The following NME7 variants were observed in gnomAD, a reference collection of about 807,000 sequenced individuals.
NME7 encodes the protein nucleoside diphosphate kinase 7.
NME7 carries 41 observed loss-of-function variants against 49.1 expected under a neutral mutation model. The observed-to-expected ratio is 0.83, with a 90% confidence interval of 0.65 to 1.08. The LOEUF (loss-of-function observed/expected upper bound fraction) is 1.08, where lower values mean the gene tolerates loss of function less well. Among genes scored for constraint, NME7 ranks in the 50% least tolerant of loss-of-function variants. NME7 has a pLI of 0.00. For synonymous variants in NME7, 139 were observed against 150.6 expected (o/e 0.92, Z 0.56); for missense variants, 423 against 463.4 (o/e 0.91, Z 0.80).
At chr1:169,199,665 C>T (rs1466297246) in intron 10 of NME7, among the ~76,000 whole-genome samples, 3 of 151,646 alleles carry the variant, frequency 2.0e-5, no homozygotes, top group Non-Finnish European at 4.4e-5. Flanking sequence ...TTCCTATTGT[C>T]TACAAAAATA....
intron 10 of NME7, among the ~76,000 whole-genome samples, chr1:169,194,105 G>A (rs1660308132): frequency 6.6e-6 from 1 of 151,888 alleles, no homozygotes; most frequent in Admixed American, 6.6e-5. Flanking sequence ...TAAGGAATGG[G>A]GAAACAAAAA....
chr1:169,363,521 GA>G (rs1270671728), intron 1 of NME7, among the ~76,000 whole-genome samples: 1 of 152,158 alleles, frequency 6.6e-6, no homozygotes, highest in East Asian at 1.9e-4. Context: ...TACAGTTTGA[GA>G]AACACTGCTG....
intron 1 of NME7, among the ~76,000 whole-genome samples, chr1:169,338,967 G>A (rs763453267): frequency 4.6e-5 from 7 of 152,196 alleles, no homozygotes; most frequent in Admixed American, 2.0e-4. Context: ...AATACAAATT[G>A]TCTCTCTAAT....
At chr1:169,219,136 T>C (rs1041415480) in intron 10 of NME7, among the ~76,000 whole-genome samples, 4 of 152,186 alleles carry the variant, frequency 2.6e-5, no homozygotes, top group African/African-American at 9.7e-5. Context: ...CTTTTCTGAA[T>C]AGCCTATTCC....
chr1:169,136,869 G>A (rs1374483712), intron 11 of NME7, among the ~76,000 whole-genome samples: 1 of 152,172 alleles, frequency 6.6e-6, no homozygotes, highest in Non-Finnish European at 1.5e-5. Flanking sequence ...CACTTTAGAG[G>A]TGGAATGCAG....
chr1:169,235,028 A>C, intron 9 of NME7, 103 bp downstream of exon 9: 1 of 519,276 alleles, frequency 1.9e-6, no homozygotes, highest in Non-Finnish European at 3.3e-6. Context: ...ATTGATTTTC[A>C]GTCTGGCCAT....
intron 1 of NME7, among the ~76,000 whole-genome samples, chr1:169,330,882 G>T (rs570551379): frequency 1.3e-5 from 2 of 151,994 alleles, no homozygotes; most frequent in East Asian, 3.9e-4. Flanking sequence ...TGAGATCAAA[G>T]CCATAATAAA....
At chr1:169,277,200 G>A (rs1212801919) in intron 7 of NME7, among the ~76,000 whole-genome samples, 2 of 148,952 alleles carry the variant, frequency 1.3e-5, no homozygotes, top group African/African-American at 4.9e-5. Context: ...ATGTCTATTA[G>A]GTCCGCTTGG....
At chr1:169,138,601 C>T (rs1175503757) in intron 11 of NME7, among the ~76,000 whole-genome samples, 2 of 152,062 alleles carry the variant, frequency 1.3e-5, no homozygotes, top group African/African-American at 4.8e-5. Context: ...CACCTGTAGT[C>T]CCAGCCGCTT....
At chr1:169,194,211 T>C (rs1301429815) in intron 10 of NME7, among the ~76,000 whole-genome samples, 4 of 152,066 alleles carry the variant, frequency 2.6e-5, no homozygotes, top group African/African-American at 9.7e-5. Flanking sequence ...TCAATCCCTA[T>C]GGGGGCTAAG....
At chr1:169,219,227 T>TA (rs1661068348) in intron 10 of NME7, among the ~76,000 whole-genome samples, 1 of 152,158 alleles carries the variant, frequency 6.6e-6, no homozygotes, top group Non-Finnish European at 1.5e-5. Context: ...ATCCATGAGT[T>TA]AATGCATCTG....
intron 10 of NME7, among the ~76,000 whole-genome samples, chr1:169,192,363 C>G (rs1016375339): frequency 6.6e-6 from 1 of 152,088 alleles, no homozygotes; most frequent in African/African-American, 2.4e-5. Flanking sequence ...TGCACCTATA[C>G]AGAACATATA....
In NME7 at chr1:169,273,585, A is replaced by G. The variant is rs1297840807; in HGVS notation, c.754+13718T>C. Among the ~76,000 whole-genome samples the G allele has an allele frequency of 2.3e-5, 3 of 130,194 alleles. 1 individual carries two copies. Among genetic ancestry groups the G allele is most frequent in the Non-Finnish European group, 5.4e-5 (3 of 55,706 alleles). 85.4% of individuals were successfully genotyped at this position (130,194 alleles called of 152,430 possible). ...ATTGACTCGTCATTTAGCATTAGGT[A>G]TATCTCCTAATGCTATCCCTCCCCA... On this transcript the variant is annotated intron_variant, in intron 7 of 11. Transcript: ENST00000367811.
intron 10 of NME7, among the ~76,000 whole-genome samples, chr1:169,173,645 C>T (rs148004916): frequency 6.6e-6 from 1 of 151,994 alleles, no homozygotes; most frequent in East Asian, 1.9e-4. Context: ...CTAAAAAATA[C>T]AAAAATATTA....
At chr1:169,227,076 C>T (rs140512844) in intron 10 of NME7, among the ~76,000 whole-genome samples, 1 of 152,234 alleles carries the variant, frequency 6.6e-6, no homozygotes, top group Non-Finnish European at 1.5e-5. Flanking sequence ...GTGAGCCTTG[C>T]ACATACTATT....
At chr1:169,282,232 G>C (rs1650049977) in intron 7 of NME7, among the ~76,000 whole-genome samples, 4 of 152,130 alleles carry the variant, frequency 2.6e-5, no homozygotes, top group Non-Finnish European at 5.9e-5. Flanking sequence ...TAGTTTATTT[G>C]CGTAGAGGTG....
chr1:169,301,612 T>C (rs1650941939), intron 5 of NME7, among the ~76,000 whole-genome samples: 1 of 152,182 alleles, frequency 6.6e-6, no homozygotes, highest in South Asian at 2.1e-4. Context: ...AAAAGACACA[T>C]GCCCTCATAC....
rs188363783 is a variant in NME7, at chr1:169,194,039, T to C, written c.991-24485A>G. ...ATGAGAATCATTCAGATAAACATACTGAAAAATAGCGAGGCAAAAAAGACT... is the reference window on the plus strand; with the variant it reads ...ATGAGAATCATTCAGATAAACATACCGAAAAATAGCGAGGCAAAAAAGACT... On this transcript the variant is annotated intron_variant, in intron 10 of 11. Transcript: ENST00000367811. Among the ~76,000 whole-genome samples the C allele has an allele frequency of 5.7e-4, 86 of 151,482 alleles. 1 individual carries two copies. The highest frequency in any genetic ancestry group is 1.1e-3 in the Non-Finnish European group (73 of 67,826).
intron 11 of NME7, among the ~76,000 whole-genome samples, chr1:169,166,668 A>C (rs4656655): frequency 6.6e-6 from 1 of 151,992 alleles, no homozygotes; most frequent in Non-Finnish European, 1.5e-5. Context: ...ACCTCGGTAA[A>C]AAGTCATTTA....
Sources: gnomAD v4.1 joint callset for allele counts (sites outside exome capture counted in the v4.1 genomes callset) on GRCh38, gnomAD v4.1.1 for gene constraint, MANE v1.5 for transcripts, NCBI Gene and HGNC (gene_info 2026-07-23, HGNC 2026-07-21) for gene names.